The following SAMD8 variants were observed in gnomAD, a reference collection of about 807,000 sequenced individuals.
SAMD8 encodes the protein sterile alpha motif domain containing 8.
Under a neutral mutation model 42.0 loss-of-function variants are expected in SAMD8, and 20 were observed. The observed-to-expected ratio is 0.48, with a 90% CI of 0.34 to 0.69. The LOEUF (loss-of-function observed/expected upper bound fraction) is 0.69, where lower values mean the gene tolerates loss of function less well. Ranked by LOEUF, SAMD8 falls within the 30% of genes least tolerant of loss-of-function variation. SAMD8 has a pLI of 0.01. For missense variants in SAMD8, 328 were observed against 511.6 expected, an observed-to-expected ratio of 0.64 and a Z score of 3.46; for synonymous variants, 162 against 173.0, an observed-to-expected ratio of 0.94 and a Z score of 0.50.
chr10:75,124,778 C>T (rs537626274), intron 1 of SAMD8, among the ~76,000 whole-genome samples: 157 of 151,542 alleles, frequency 1.0e-3, no homozygotes, highest in African/African-American at 3.7e-3. Flanking sequence ...ATCTGTTTTA[C>T]ACTCTTAAGA....
At chr10:75,126,621 C>T (rs1182724176) in intron 1 of SAMD8, among the ~76,000 whole-genome samples, 2 of 150,932 alleles carry the variant, frequency 1.3e-5, no homozygotes, top group East Asian at 2.0e-4. Flanking sequence ...CCCACCTTGG[C>T]CTCCTGAGGA....
intron 1 of SAMD8, among the ~76,000 whole-genome samples, chr10:75,126,146 T>C (rs1849126230): frequency 6.6e-6 from 1 of 152,218 alleles, no homozygotes; most frequent in Non-Finnish European, 1.5e-5. Context: ...TATTGTACTT[T>C]ATTCATCTCT....
chr10:75,137,356 A>ATT (rs753572180), intron 1 of SAMD8, among the ~76,000 whole-genome samples: 37 of 152,202 alleles, frequency 2.4e-4, no homozygotes, highest in Admixed American at 1.4e-3. Flanking sequence ...CCTGGCCAAC[A>ATT]TTGTGAAACC....
At chr10:75,108,387 G>A, upstream of SAMD8, 1 of 1,206,202 alleles carries the variant, frequency 8.3e-7, no homozygotes, top group South Asian at 1.8e-5. Context: ...CGCACTTTCT[G>A]GTGGCTGAGC....
At chr10:75,101,882 G>C in intron 1 of SAMD8, 1 of 1,366,970 alleles carries the variant, frequency 7.3e-7, no homozygotes, top group South Asian at 1.1e-5. Context: ...GGAGTATCTG[G>C]CCCAGGCTGT....
At chr10:75,115,469 C>T (rs1285929865) in intron 1 of SAMD8, among the ~76,000 whole-genome samples, 3 of 152,116 alleles carry the variant, frequency 2.0e-5, no homozygotes, top group African/African-American at 7.2e-5. Context: ...TGGTAATTTG[C>T]CATATGAATG....
At chr10:75,106,070 G>A (rs552461892) in intron 1 of SAMD8, among the ~76,000 whole-genome samples, 1 of 151,196 alleles carries the variant, frequency 6.6e-6, no homozygotes, top group African/African-American at 2.4e-5. Flanking sequence ...TTGGGATAGG[G>A]TCCGAATTTC....
intron 1 of SAMD8, chr10:75,101,772 C>A: frequency 8.9e-6 from 7 of 789,118 alleles, no homozygotes; most frequent in South Asian, 1.4e-5. Flanking sequence ...CCAAACCCCA[C>A]CCCTCCCCAC....
chr10:75,160,038 G>A (rs1840519947), intron 2 of SAMD8, among the ~76,000 whole-genome samples: 1 of 102,776 alleles, frequency 9.7e-6, no homozygotes, highest in Non-Finnish European at 1.8e-5. Flanking sequence ...ATAATAGCAA[G>A]GGAGGAAACA....
At chr10:75,111,860 C>T (rs1848777496) in intron 1 of SAMD8, 138 bp downstream of exon 1, 2 of 1,041,246 alleles carry the variant, frequency 1.9e-6, no homozygotes, top group Non-Finnish European at 2.5e-6. Context: ...GTTGAGGGAA[C>T]CGGGATAGTC....
chr10:75,106,101 CT>C (rs767630456), intron 1 of SAMD8, among the ~76,000 whole-genome samples: 26,146 of 122,934 alleles, frequency 0.21, 2,737 homozygotes, highest in African/African-American at 0.32. Flanking sequence ...TCTTTCTTTT[CT>C]TTTTTTTTTT....
chr10:75,102,152 A>C (rs1848203478), intron 1 of SAMD8, among the ~76,000 whole-genome samples: 1 of 152,218 alleles, frequency 6.6e-6, no homozygotes, highest in Admixed American at 6.5e-5. Context: ...CCCAGGTCTG[A>C]CTGTGGCATA....
chr10:75,108,798 C>G (rs921104796), upstream of SAMD8, among the ~76,000 whole-genome samples: 6 of 152,176 alleles, frequency 3.9e-5, no homozygotes, highest in African/African-American at 1.4e-4. Context: ...TCCCTGCTTT[C>G]AGGCAGGCGA....
chr10:75,161,790 A>G (rs1020608797), intron 2 of SAMD8, among the ~76,000 whole-genome samples: 2 of 151,596 alleles, frequency 1.3e-5, no homozygotes, highest in South Asian at 4.2e-4. Flanking sequence ...CTTTGGGAGC[A>G]CTTTGGGAGG....
chr10:75,102,641 C>G (rs1848241305), intron 1 of SAMD8, among the ~76,000 whole-genome samples: 1 of 151,682 alleles, frequency 6.6e-6, no homozygotes, highest in Non-Finnish European at 1.5e-5. Context: ...GACCCTGTCT[C>G]TACTAAAAAT....
chr10:75,128,073 A>ATTTTTTTTTTTTTTTTTTTTTTTTTT (rs11353511), intron 1 of SAMD8, among the ~76,000 whole-genome samples: 1 of 119,260 alleles, frequency 8.4e-6, no homozygotes, highest in Non-Finnish European at 1.7e-5. Flanking sequence ...TTCTTCTTTA[A>ATTTTTTTTTTTTTTTTTTTTTTTTTT]TTTTTTTTTT....
chr10:75,139,127 A>ATT (rs1294871934), intron 1 of SAMD8, among the ~76,000 whole-genome samples: 3 of 142,690 alleles, frequency 2.1e-5, no homozygotes, highest in African/African-American at 7.7e-5. Flanking sequence ...CGCCCGATTA[A>ATT]TTTTTTTTTT....
intron 1 of SAMD8, among the ~76,000 whole-genome samples, chr10:75,120,564 C>T (rs7077767): frequency 0.074 from 11,285 of 152,078 alleles, 534 homozygotes; most frequent in African/African-American, 0.13. Flanking sequence ...CCACCGCGCC[C>T]GGCCAGCGTC....
chr10:75,112,789 C>G lies in SAMD8; in HGVS notation c.-16+1067C>G, dbSNP rs111343592. Among the ~76,000 whole-genome samples, 507 of 152,300 alleles carry G rather than the reference C, an allele frequency of 3.3e-3. 1 individual carries two copies. Among genetic ancestry groups the G allele is most frequent in the African/African-American group, 0.012 (484 of 41,558 alleles). ...TAAACTTGAAACAAGAATTTGGACA[C>G]TTGGATTTTACAGATACTCAACATG... On this transcript the variant is annotated intron_variant, in intron 1 of 5. Transcript: ENST00000542569.
Sources: allele counts gnomAD v4.1 joint callset (sites outside exome capture counted in the v4.1 genomes callset), GRCh38; gene constraint gnomAD v4.1.1; transcripts MANE v1.5; gene names NCBI Gene and HGNC (gene_info 2026-07-23, HGNC 2026-07-21).